Variants in ZRANB3 observed in about 807,000 individuals in gnomAD.
The protein encoded by ZRANB3 is zinc finger RANBP2-type containing 3.
In ZRANB3, 125 loss-of-function variants were observed where a neutral mutation model predicts 133.8. The observed-to-expected ratio is 0.93, with a 90% CI of 0.81 to 1.08. The LOEUF is 1.08. Ranked by LOEUF, ZRANB3 falls within the 50% of genes least tolerant of loss-of-function variation. The pLI is 0.00. For missense variants in ZRANB3, 1,229 were observed against 1,275.5 expected (o/e 0.96, Z 0.56); for synonymous variants, 387 against 432.7 (o/e 0.89, Z 1.31).
At chr2:135,327,632 A>C (rs1420155226) in intron 6 of ZRANB3, among the ~76,000 whole-genome samples, 3 of 152,182 alleles carry the variant, frequency 2.0e-5, no homozygotes, top group African/African-American at 7.2e-5. Flanking sequence ...CGGGTGTCAA[A>C]GGGTGTTTAT....
chr2:135,321,552 C>T (rs1432348012), intron 6 of ZRANB3, among the ~76,000 whole-genome samples: 1 of 151,070 alleles, frequency 6.6e-6, no homozygotes, highest in East Asian at 1.9e-4. Flanking sequence ...CAGTTCACTG[C>T]AATCTCCACC....
intron 2 of ZRANB3, among the ~76,000 whole-genome samples, chr2:135,451,650 A>T (rs1690278107): frequency 6.6e-6 from 1 of 152,152 alleles, no homozygotes; most frequent in African/African-American, 2.4e-5. Flanking sequence ...AATCACACAC[A>T]CACAGAAATT....
intron 2 of ZRANB3, among the ~76,000 whole-genome samples, chr2:135,397,607 G>A (rs540731153): frequency 6.6e-6 from 1 of 152,216 alleles, no homozygotes; most frequent in Non-Finnish European, 1.5e-5. Flanking sequence ...TTTTTAACCA[G>A]AAATATTGCT....
intron 8 of ZRANB3, among the ~76,000 whole-genome samples, chr2:135,295,499 A>G (rs1355440512): frequency 2.0e-5 from 3 of 152,142 alleles, no homozygotes; most frequent in Non-Finnish European, 2.9e-5. Flanking sequence ...TTTCCTGAAT[A>G]CAGCACACTA....
intron 4 of ZRANB3, among the ~76,000 whole-genome samples, chr2:135,351,910 A>C (rs1685225575): frequency 6.6e-6 from 1 of 152,238 alleles, no homozygotes; most frequent in African/African-American, 2.4e-5. Flanking sequence ...ATACTATTCA[A>C]ATAAAAATAT....
chr2:135,454,130 G>A (rs151257455), intron 2 of ZRANB3, among the ~76,000 whole-genome samples: 4,840 of 152,236 alleles, frequency 0.032, 249 homozygotes, highest in African/African-American at 0.11. Flanking sequence ...TCACTATCAC[G>A]AGAATAGCAT....
At chr2:135,216,551 G>A (rs1016857519) in intron 17 of ZRANB3, among the ~76,000 whole-genome samples, 1 of 151,690 alleles carries the variant, frequency 6.6e-6, no homozygotes, top group Non-Finnish European at 1.5e-5. Flanking sequence ...GCGATCCTCC[G>A]GCCTCAGCCT....
At chr2:135,320,185 C>T (rs773980931) in intron 6 of ZRANB3, among the ~76,000 whole-genome samples, 2 of 152,160 alleles carry the variant, frequency 1.3e-5, no homozygotes, top group Non-Finnish European at 2.9e-5. Context: ...GGACTACAGG[C>T]ACATGCCACC....
chr2:135,215,335 C>A (rs1272786108), intron 17 of ZRANB3, among the ~76,000 whole-genome samples: 6 of 151,964 alleles, frequency 3.9e-5, no homozygotes, highest in Admixed American at 2.0e-4. Flanking sequence ...TGGGTCACTG[C>A]AGCCTCGACC....
At chr2:135,216,590 C>T (rs72980374) in intron 17 of ZRANB3, among the ~76,000 whole-genome samples, 9,308 of 151,838 alleles carry the variant, frequency 0.061, 572 homozygotes, top group African/African-American at 0.16. Context: ...TAGGAGTGTG[C>T]CACCTGGCTA....
chr2:135,405,939 A>C (rs1266596364), intron 2 of ZRANB3, among the ~76,000 whole-genome samples: 1 of 152,234 alleles, frequency 6.6e-6, no homozygotes, highest in Non-Finnish European at 1.5e-5. Context: ...ACACATTCCA[A>C]ATCTAGCAGA....
chr2:135,470,847 G>A (rs1367886716), intron 2 of ZRANB3, among the ~76,000 whole-genome samples: 4 of 149,156 alleles, frequency 2.7e-5, no homozygotes, highest in African/African-American at 9.9e-5. Flanking sequence ...TGTCGCCCAG[G>A]CTGGAGTGCA....
intron 8 of ZRANB3, among the ~76,000 whole-genome samples, chr2:135,308,087 A>T (rs900577365): frequency 2.0e-5 from 3 of 151,406 alleles, no homozygotes. Flanking sequence ...CATAAGACAA[A>T]TTTTTTGCTG....
chr2:135,322,263 T>C (rs1391222307), intron 6 of ZRANB3, among the ~76,000 whole-genome samples: 1 of 152,200 alleles, frequency 6.6e-6, no homozygotes, highest in East Asian at 1.9e-4. Flanking sequence ...AGAAAAATAG[T>C]GTGAATCTTA....
chr2:135,462,557 T>C (rs1171252521), intron 2 of ZRANB3, among the ~76,000 whole-genome samples: 1 of 149,146 alleles, frequency 6.7e-6, no homozygotes, highest in Non-Finnish European at 1.5e-5. Flanking sequence ...TCCTTTCTTT[T>C]CCTTCCTTCC....
intron 8 of ZRANB3, among the ~76,000 whole-genome samples, chr2:135,311,879 C>T (rs891783648): frequency 6.6e-6 from 1 of 152,112 alleles, no homozygotes; most frequent in African/African-American, 2.4e-5. Context: ...GTGAAAGCAG[C>T]CAGACACAAG....
rs772691031 is a variant in ZRANB3, at chr2:135,313,483, G to C, written c.966+6C>G. 4 of 1,577,804 alleles carry C rather than the reference G, an allele frequency of 2.5e-6. No homozygotes were observed. The South Asian group carries it at 3.4e-5, about 13-fold the overall frequency. On this transcript the variant is annotated splice_donor_region_variant and intron_variant, in intron 8 of 20. Transcript: ENST00000264159. Reference sequence around the variant, plus strand: ...GACAAATACATGATGGCCCAGCAAAGAGTACCTTGGCAATAGCAGTTTGTT... The same window carrying C: ...GACAAATACATGATGGCCCAGCAAACAGTACCTTGGCAATAGCAGTTTGTT...
At chr2:135,291,755 CCCA>C (rs1184483221) in intron 8 of ZRANB3, among the ~76,000 whole-genome samples, 12 of 151,904 alleles carry the variant, frequency 7.9e-5, no homozygotes, top group South Asian at 2.1e-4. Context: ...CTTCCCCCAC[CCCA>C]CAACAGGCCC....
chr2:135,379,523 A>T (rs986476163), intron 3 of ZRANB3, among the ~76,000 whole-genome samples: 2 of 152,194 alleles, frequency 1.3e-5, no homozygotes, highest in East Asian at 3.8e-4. Flanking sequence ...GTCCTTGGGC[A>T]ATTTAATTAA....
Sources: allele counts gnomAD v4.1 joint callset (sites outside exome capture counted in the v4.1 genomes callset), GRCh38; gene constraint gnomAD v4.1.1; transcripts MANE v1.5; gene names NCBI Gene and HGNC (gene_info 2026-07-23, HGNC 2026-07-21).